The following PRKCE variants were observed in gnomAD, a reference collection of about 807,000 sequenced individuals.
PRKCE encodes protein kinase C epsilon.
In PRKCE, 16 loss-of-function variants were observed where a neutral mutation model predicts 85.4. The ratio of observed to expected loss-of-function variants is 0.19; its 90% confidence interval spans 0.13 to 0.28. The LOEUF (loss-of-function observed/expected upper bound fraction) is 0.28, where lower values mean the gene tolerates loss of function less well. PRKCE is among the 10% of genes least tolerant of loss of function. PRKCE has a pLI of 1.00. For synonymous variants in PRKCE, 388 were observed against 371.5 expected (o/e 1.04, Z -0.51); for missense variants, 573 against 975.2 (o/e 0.59, Z 5.49).
chr2:46,070,312 G>A (rs1199090872), intron 10 of PRKCE, among the ~76,000 whole-genome samples: 1 of 152,182 alleles, frequency 6.6e-6, no homozygotes, highest in Admixed American at 6.5e-5. Context: ...ATTTTTGAAT[G>A]TTAGCCTCAA....
At chr2:45,788,047 C>T (rs1158893530) in intron 1 of PRKCE, among the ~76,000 whole-genome samples, 1 of 152,138 alleles carries the variant, frequency 6.6e-6, no homozygotes, top group Non-Finnish European at 1.5e-5. Context: ...TATTCTCCCC[C>T]ATTTCAGGCC....
At chr2:45,662,522 G>A (rs909388917) in intron 1 of PRKCE, among the ~76,000 whole-genome samples, 2 of 152,120 alleles carry the variant, frequency 1.3e-5, no homozygotes, top group Admixed American at 6.5e-5. Context: ...CAGGAGTTAG[G>A]ATAGTCTAGA....
At chr2:45,924,452 A>C (rs1698470642) in intron 2 of PRKCE, among the ~76,000 whole-genome samples, 1 of 152,148 alleles carries the variant, frequency 6.6e-6, no homozygotes, top group Non-Finnish European at 1.5e-5. Flanking sequence ...AGCATTCTTC[A>C]CTGTATGTTT....
chr2:46,035,065 G>T (rs1021430012), intron 10 of PRKCE, among the ~76,000 whole-genome samples: 1 of 152,214 alleles, frequency 6.6e-6, no homozygotes, highest in Non-Finnish European at 1.5e-5. Context: ...TGAAGCTGAA[G>T]GTCTCACCCT....
intron 11 of PRKCE, among the ~76,000 whole-genome samples, chr2:46,111,001 C>T (rs1236507620): frequency 6.6e-6 from 1 of 151,928 alleles, no homozygotes; most frequent in Admixed American, 6.6e-5. Context: ...AGATATTTTC[C>T]ACCTATTTTT....
At chr2:46,032,943 G>C (rs577523185) in intron 10 of PRKCE, among the ~76,000 whole-genome samples, 1 of 152,136 alleles carries the variant, frequency 6.6e-6, no homozygotes, top group Non-Finnish European at 1.5e-5. Context: ...CTGGAAACAC[G>C]GAGGTATAAG....
intron 2 of PRKCE, among the ~76,000 whole-genome samples, chr2:45,953,634 C>A (rs1252663328): frequency 6.6e-6 from 1 of 152,216 alleles, no homozygotes; most frequent in African/African-American, 2.4e-5. Flanking sequence ...GCCTCTCCTA[C>A]TTTTTAATTG....
At chr2:45,735,519 G>A (rs2104589501) in intron 1 of PRKCE, among the ~76,000 whole-genome samples, 1 of 152,308 alleles carries the variant, frequency 6.6e-6, no homozygotes, top group South Asian at 2.1e-4. Context: ...GTAAAATGGT[G>A]GTAATGGTAG....
chr2:46,074,220 CTTGACAGCT>C (rs1248800201), intron 10 of PRKCE, among the ~76,000 whole-genome samples: 1 of 152,014 alleles, frequency 6.6e-6, no homozygotes, highest in Non-Finnish European at 1.5e-5. Context: ...ATCATTGTGT[CTTGACAGCT>C]GGTTGTAAAG....
chr2:46,086,967 C>T (rs780167814), intron 11 of PRKCE, among the ~76,000 whole-genome samples: 7 of 152,132 alleles, frequency 4.6e-5, no homozygotes, highest in South Asian at 2.1e-4. Flanking sequence ...CACATGCACG[C>T]GCACACTGAT....
intron 1 of PRKCE, among the ~76,000 whole-genome samples, chr2:45,816,028 A>C (rs1288236848): frequency 1.3e-5 from 2 of 152,198 alleles, no homozygotes; most frequent in Non-Finnish European, 2.9e-5. Context: ...TCCCAAGTAC[A>C]TTTGGGGCTC....
chr2:45,815,755 A>G (rs1019919942), intron 1 of PRKCE, among the ~76,000 whole-genome samples: 1 of 152,232 alleles, frequency 6.6e-6, no homozygotes, highest in Non-Finnish European at 1.5e-5. Context: ...GAGGAATGAC[A>G]TGGATCTAGA....
intron 14 of PRKCE, among the ~76,000 whole-genome samples, chr2:46,174,832 G>A (rs896920185): frequency 6.6e-6 from 1 of 152,054 alleles, no homozygotes; most frequent in African/African-American, 2.4e-5. Flanking sequence ...TGGGACTACA[G>A]GCACGTGCCA....
chr2:46,070,509 GACA>G (rs1667988275), intron 10 of PRKCE, among the ~76,000 whole-genome samples: 1 of 152,166 alleles, frequency 6.6e-6, no homozygotes. Context: ...CAGGTGTGGT[GACA>G]TGCACCTGTA....
intron 1 of PRKCE, among the ~76,000 whole-genome samples, chr2:45,823,406 T>C (rs1689696744): frequency 6.6e-6 from 1 of 152,236 alleles, no homozygotes; most frequent in South Asian, 2.1e-4. Flanking sequence ...AGACAGGCTA[T>C]TGAAACTTTT....
intron 2 of PRKCE, among the ~76,000 whole-genome samples, chr2:45,880,724 T>C (rs1346196555): frequency 1.3e-5 from 2 of 152,144 alleles, no homozygotes; most frequent in Non-Finnish European, 2.9e-5. Context: ...AGAGTATTTG[T>C]ATGGGGATTG....
chr2:45,756,730 A>G (rs1684035628), intron 1 of PRKCE, among the ~76,000 whole-genome samples: 1 of 152,270 alleles, frequency 6.6e-6, no homozygotes. Context: ...AATGCACATT[A>G]TATGATTCCA....
At chr2:45,753,959 C>G (rs78754790) in intron 1 of PRKCE, among the ~76,000 whole-genome samples, 3 of 152,170 alleles carry the variant, frequency 2.0e-5, no homozygotes, top group African/African-American at 7.2e-5. Context: ...ATACTCAAAC[C>G]GTATTCAGAT....
chr2:46,160,488 T>C (rs1677646646), intron 14 of PRKCE, among the ~76,000 whole-genome samples: 1 of 152,220 alleles, frequency 6.6e-6, no homozygotes, highest in South Asian at 2.1e-4. Flanking sequence ...CAGCGTGTGT[T>C]ATCTTAATTC....
Sources: allele counts gnomAD v4.1 joint callset (sites outside exome capture counted in the v4.1 genomes callset), GRCh38; gene constraint gnomAD v4.1.1; transcripts MANE v1.5; gene names NCBI Gene and HGNC (gene_info 2026-07-23, HGNC 2026-07-21).